Variants in PRELID2 observed in about 807,000 individuals in gnomAD.
PRELID2 encodes the protein PRELI domain-containing protein 2.
PRELID2 carries 25 observed loss-of-function variants against 28.4 expected under a neutral mutation model. The observed-to-expected ratio is 0.88, with a 90% CI of 0.64 to 1.23. The LOEUF (loss-of-function observed/expected upper bound fraction) is 1.23, where lower values mean the gene tolerates loss of function less well. Ranked by LOEUF, PRELID2 falls within the 50% of genes most tolerant of loss-of-function variation. The probability of loss-of-function intolerance (pLI) is 0.00; values close to 1 mark genes in which losing one functional copy is unlikely to be tolerated. For missense variants in PRELID2, 201 were observed against 214.4 expected (o/e 0.94, Z 0.39); for synonymous variants, 76 against 71.6 (o/e 1.06, Z -0.31).
chr5:145,739,784 T>C (rs1411981498), intron 1 of PRELID2, among the ~76,000 whole-genome samples: 1 of 151,934 alleles, frequency 6.6e-6, no homozygotes, highest in Non-Finnish European at 1.5e-5. Flanking sequence ...CTGTTTAAAG[T>C]TATGTATATA....
At chr5:145,465,479 G>A in the PRELID2 span, among the ~76,000 whole-genome samples, 1 of 152,124 alleles carries the variant, frequency 6.6e-6, no homozygotes, top group Non-Finnish European at 1.5e-5. Context: ...TGGTGAAGAT[G>A]AGCAGTAGGA....
chr5:145,336,421 T>A, the PRELID2 span, among the ~76,000 whole-genome samples: 2 of 151,740 alleles, frequency 1.3e-5, no homozygotes, highest in Non-Finnish European at 2.9e-5. Context: ...AACGTTTAAG[T>A]CTTTAATCCA....
rs150180860 is a variant in PRELID2, at chr5:145,743,751, A to G, written n.70+21180T>C. ...TGGGGTCCCAACCCTGGAGCCATGCAGATTCTCAACAGCCTCTCAGCCTCT... is the reference window on the plus strand; with the variant it reads ...TGGGGTCCCAACCCTGGAGCCATGCGGATTCTCAACAGCCTCTCAGCCTCT... On this transcript the variant is annotated intron_variant and non_coding_transcript_variant, in intron 1 of 2. Coordinates refer to the PRELID2 transcript ENST00000510259. Among the ~76,000 whole-genome samples, 236 of 152,334 alleles carry G rather than the reference A, an allele frequency of 1.5e-3. 1 individual carries two copies. Among genetic ancestry groups the G allele is most frequent in the African/African-American group, 5.2e-3 (215 of 41,584 alleles).
chr5:145,793,981 T>C (rs1021785184), intron 5 of PRELID2, among the ~76,000 whole-genome samples: 1 of 152,160 alleles, frequency 6.6e-6, no homozygotes, highest in Non-Finnish European at 1.5e-5. Flanking sequence ...ACTGGACAAC[T>C]TGACTTCCAC....
chr5:145,524,182 T>G (rs1474610563), intron 1 of PRELID2, among the ~76,000 whole-genome samples: 1 of 152,110 alleles, frequency 6.6e-6, no homozygotes, highest in African/African-American at 2.4e-5. Flanking sequence ...TCACCCACCA[T>G]TTGTGTATTA....
chr5:145,476,044 C>T (rs2126610777), intron 1 of PRELID2, among the ~76,000 whole-genome samples: 1 of 152,260 alleles, frequency 6.6e-6, no homozygotes, highest in Non-Finnish European at 1.5e-5. Flanking sequence ...AATTCTAAAA[C>T]TTAACTGTGC....
At chr5:145,511,884 G>A (rs1177885742) in intron 1 of PRELID2, among the ~76,000 whole-genome samples, 7 of 152,148 alleles carry the variant, frequency 4.6e-5, no homozygotes, top group African/African-American at 1.2e-4. Flanking sequence ...GGAAGCTGAC[G>A]AGAGAGAGAT....
the PRELID2 span, among the ~76,000 whole-genome samples, chr5:145,374,453 T>G: frequency 2.0e-5 from 3 of 152,084 alleles, no homozygotes; most frequent in Non-Finnish European, 4.4e-5. Context: ...CTGATAATTA[T>G]GTGTGTTGGG....
intron 1 of PRELID2, among the ~76,000 whole-genome samples, chr5:145,618,015 G>A (rs1179012310): frequency 6.6e-6 from 1 of 152,136 alleles, no homozygotes; most frequent in Non-Finnish European, 1.5e-5. Context: ...TTACAGATGT[G>A]AGCCACCATG....
intron 1 of PRELID2, among the ~76,000 whole-genome samples, chr5:145,545,792 G>T (rs1318844229): frequency 6.6e-6 from 1 of 152,162 alleles, no homozygotes; most frequent in South Asian, 2.1e-4. Context: ...TTCTCCAGAT[G>T]ATTGATTATT....
At chr5:145,684,113 C>T (rs2149690987) in intron 1 of PRELID2, among the ~76,000 whole-genome samples, 1 of 152,068 alleles carries the variant, frequency 6.6e-6, no homozygotes, top group East Asian at 1.9e-4. Context: ...AGGGGAAGAG[C>T]AGGAGGGGGA....
chr5:145,402,989 C>T, the PRELID2 span, among the ~76,000 whole-genome samples: 1 of 152,128 alleles, frequency 6.6e-6, no homozygotes, highest in African/African-American at 2.4e-5. Flanking sequence ...CAGTGCTTGC[C>T]TTGGGATTAG....
At chr5:145,518,071 C>T (rs1752531908) in intron 1 of PRELID2, among the ~76,000 whole-genome samples, 1 of 151,552 alleles carries the variant, frequency 6.6e-6, no homozygotes, top group African/African-American at 2.4e-5. Context: ...AGCAAACCAC[C>T]ATGGCACATG....
At chr5:145,734,600 T>A (rs1756441724) in intron 1 of PRELID2, among the ~76,000 whole-genome samples, 1 of 152,162 alleles carries the variant, frequency 6.6e-6, no homozygotes, top group Non-Finnish European at 1.5e-5. Flanking sequence ...TAGCATGTTT[T>A]ATGAAAAAAT....
chr5:145,740,364 G>A (rs1471328339), intron 1 of PRELID2, among the ~76,000 whole-genome samples: 1 of 124,536 alleles, frequency 8.0e-6, no homozygotes, highest in Non-Finnish European at 1.7e-5. Context: ...TGCAAAATAT[G>A]TGCAGCAAAA....
intron 1 of PRELID2, among the ~76,000 whole-genome samples, chr5:145,539,990 T>C (rs1289316585): frequency 2.6e-5 from 4 of 151,828 alleles, no homozygotes; most frequent in African/African-American, 9.7e-5. Context: ...TTATTTTCAA[T>C]TATACAACTA....
chr5:145,343,229 A>T, the PRELID2 span, among the ~76,000 whole-genome samples: 1 of 152,008 alleles, frequency 6.6e-6, no homozygotes, highest in Non-Finnish European at 1.5e-5. Context: ...TATTCTTTTT[A>T]TTGGCACATC....
At chr5:145,459,545 C>T in the PRELID2 span, among the ~76,000 whole-genome samples, 4 of 152,114 alleles carry the variant, frequency 2.6e-5, no homozygotes, top group African/African-American at 9.7e-5. Context: ...TCCCAATGAA[C>T]AATTTAAGGC....
chr5:145,380,821 G>T, the PRELID2 span, among the ~76,000 whole-genome samples: 1 of 152,080 alleles, frequency 6.6e-6, no homozygotes, highest in African/African-American at 2.4e-5. Flanking sequence ...CCCCACAAAT[G>T]CCTAAAATAT....
Sources: gnomAD v4.1 joint callset for allele counts (sites outside exome capture counted in the v4.1 genomes callset) on GRCh38, gnomAD v4.1.1 for gene constraint, MANE v1.5 for transcripts, NCBI Gene and HGNC (gene_info 2026-07-23, HGNC 2026-07-21) for gene names.